PTPRG: variants seen among roughly 807,000 people sequenced by gnomAD.
The protein encoded by PTPRG is receptor-type tyrosine-protein phosphatase gamma.
In PTPRG, 102 loss-of-function variants were observed where a neutral mutation model predicts 165.3. The ratio of observed to expected loss-of-function variants is 0.62; its 90% CI spans 0.53 to 0.73. PTPRG has a LOEUF of 0.73. PTPRG is among the 30% of genes least tolerant of loss of function. The pLI, the probability that PTPRG is intolerant of heterozygous loss-of-function variation, is 0.00. For synonymous variants in PTPRG, 675 were observed against 669.5 expected, an observed-to-expected ratio of 1.01 and a Z score of -0.13; for missense variants, 1,866 against 1,861.4, an observed-to-expected ratio of 1.00 and a Z score of -0.05.
chr3:61,760,472 T>TATC (rs2033798764), intron 2 of PTPRG, among the ~76,000 whole-genome samples: 1 of 152,228 alleles, frequency 6.6e-6, no homozygotes, highest in South Asian at 2.1e-4. Context: ...GACTGATTAT[T>TATC]ATCTCTGATT....
At chr3:61,591,927 G>T (rs953088504) in intron 1 of PTPRG, among the ~76,000 whole-genome samples, 10 of 151,980 alleles carry the variant, frequency 6.6e-5, no homozygotes, top group African/African-American at 2.4e-4. Context: ...AGAAGGGGAT[G>T]TTCCAGAAGA....
At chr3:62,061,707 C>T (rs1307912601) in intron 4 of PTPRG, among the ~76,000 whole-genome samples, 2 of 151,294 alleles carry the variant, frequency 1.3e-5, no homozygotes, top group African/African-American at 4.9e-5. Context: ...CAGCTCACTG[C>T]AATCTCTGCC....
At chr3:61,788,434 A>G (rs1235392443) in intron 2 of PTPRG, among the ~76,000 whole-genome samples, 1 of 152,258 alleles carries the variant, frequency 6.6e-6, no homozygotes, top group Non-Finnish European at 1.5e-5. Context: ...TAAAGTTGTC[A>G]TGAATGCCTG....
At chr3:61,707,050 G>C (rs2031301291) in intron 1 of PTPRG, among the ~76,000 whole-genome samples, 1 of 151,992 alleles carries the variant, frequency 6.6e-6, no homozygotes, top group Non-Finnish European at 1.5e-5. Context: ...AGTCTATACA[G>C]GTCATTCCAT....
In PTPRG at chr3:62,110,089, CTTTT is replaced by C. The variant is rs371457716; in HGVS notation, c.616-22493_616-22490del. ...TCTCTCTCTATTCTAGAAATAATGG[CTTTT>C]TTTTTTTTTTTTTTTTTTTGCAGTA... On this transcript the variant is annotated intron_variant, in intron 5 of 29. Coordinates refer to ENST00000474889, the MANE Select transcript of PTPRG (RefSeq NM_002841.4). 4.1e-3 allele frequency among the ~76,000 whole-genome samples: 329 copies of C among 79,974 alleles called. 3 individuals are homozygous for C. The highest frequency in any genetic ancestry group is 0.015 in the African/African-American group (312 of 20,298). 52.5% of individuals were successfully genotyped at this position (79,974 alleles called of 152,430 possible).
At chr3:62,133,661 C>G (rs1189148736) in intron 6 of PTPRG, among the ~76,000 whole-genome samples, 1 of 152,156 alleles carries the variant, frequency 6.6e-6, no homozygotes, top group Non-Finnish European at 1.5e-5. Context: ...AATAGGGTTA[C>G]TGAAAACACC....
At chr3:61,694,981 G>A (rs942237748) in intron 1 of PTPRG, among the ~76,000 whole-genome samples, 2 of 151,708 alleles carry the variant, frequency 1.3e-5, no homozygotes, top group African/African-American at 2.4e-5. Flanking sequence ...TTTTCACTGC[G>A]TACTCTTTTG....
intron 4 of PTPRG, among the ~76,000 whole-genome samples, chr3:62,045,176 G>A (rs997315887): frequency 6.6e-6 from 1 of 152,146 alleles, no homozygotes; most frequent in Admixed American, 6.6e-5. Context: ...GATGCAAACC[G>A]TCTTAGGTTG....
At chr3:62,096,546 T>A (rs1439264458) in intron 5 of PTPRG, among the ~76,000 whole-genome samples, 1 of 152,212 alleles carries the variant, frequency 6.6e-6, no homozygotes, top group Non-Finnish European at 1.5e-5. Context: ...GATCAGCTCA[T>A]GTGTATGTTT....
chr3:61,622,788 A>G (rs1226821601), intron 1 of PTPRG, among the ~76,000 whole-genome samples: 1 of 152,204 alleles, frequency 6.6e-6, no homozygotes, highest in East Asian at 1.9e-4. Context: ...GTGAAGGGAA[A>G]TATATTTTGG....
chr3:61,857,181 C>G (rs2037132060), intron 2 of PTPRG, among the ~76,000 whole-genome samples: 1 of 151,998 alleles, frequency 6.6e-6, no homozygotes, highest in Non-Finnish European at 1.5e-5. Flanking sequence ...CTCCAGAAAT[C>G]TCATATTGTA....
intron 1 of PTPRG, among the ~76,000 whole-genome samples, chr3:61,672,316 G>T (rs1398261871): frequency 1.2e-4 from 17 of 144,602 alleles, no homozygotes; most frequent in African/African-American, 4.4e-4. Flanking sequence ...CCCAGACGGG[G>T]TGGCGGCCGG....
chr3:62,270,938 T>C (rs1253093188), intron 20 of PTPRG, among the ~76,000 whole-genome samples: 4 of 152,130 alleles, frequency 2.6e-5, no homozygotes, highest in African/African-American at 4.8e-5. Context: ...ACTTCCTGGA[T>C]AGTTTACAGC....
intron 4 of PTPRG, among the ~76,000 whole-genome samples, chr3:62,053,569 C>T (rs1700535926): frequency 6.6e-6 from 1 of 151,958 alleles, no homozygotes; most frequent in Non-Finnish European, 1.5e-5. Flanking sequence ...GCCTGGCCTT[C>T]CTTTTAATAA....
rs149041037 is a variant in PTPRG at position 61,840,782 on chromosome 3, G to GTTTTT, written c.190+91815_190+91819dup. On this transcript the variant is annotated intron_variant, in intron 2 of 29. Coordinates refer to ENST00000474889, the MANE Select transcript of PTPRG (RefSeq NM_002841.4). ...CAGATGGAGTTTTTTTTGTTTGTTT[G>GTTTTT]TTTTTTTTTTTTTTTTTTTGAGATG... Among the ~76,000 whole-genome samples, 61 of 120,104 alleles carry GTTTTT rather than the reference G, an allele frequency of 5.1e-4. 1 individual carries two copies. Among genetic ancestry groups the GTTTTT allele is most frequent in the East Asian group, 1.1e-3 (4 of 3,642 alleles). The allele number at this position is 120,104 out of a possible 152,430, so 78.8% of individuals were successfully genotyped here.
chr3:61,603,682 A>G (rs1296279823), intron 1 of PTPRG, among the ~76,000 whole-genome samples: 1 of 152,164 alleles, frequency 6.6e-6, no homozygotes, highest in Non-Finnish European at 1.5e-5. Flanking sequence ...GGTTGCTTTC[A>G]TTTTGGAGGC....
intron 7 of PTPRG, among the ~76,000 whole-genome samples, chr3:62,159,759 G>T (rs749772623): frequency 2.8e-4 from 42 of 152,080 alleles, no homozygotes; most frequent in Non-Finnish European, 5.6e-4. Context: ...GCTACAAACC[G>T]TCTTAAGATA....
At position 62,229,176 on chromosome 3, in the gene PTPRG, G is replaced by A. The variant is rs1046474334; in HGVS notation, c.2289-2049G>A. On this transcript the variant is annotated intron_variant, in intron 13 of 29. Coordinates refer to ENST00000474889, the MANE Select transcript of PTPRG (RefSeq NM_002841.4). This position sits in a 1 kb window ranked among gnomAD's most constrained non-coding sequence, Gnocchi z 4.6. ...GTGTTAAACTATCTTGCTCTGAGAT[G>A]CTAAAAGAGATGGGGGTAGGGAGTC... Among the ~76,000 whole-genome samples the A allele has an allele frequency of 1.3e-5, 2 of 152,148 alleles. No individual in the cohort carries two copies. The highest frequency in any genetic ancestry group is 2.9e-5 in the Non-Finnish European group (2 of 68,024).
intron 3 of PTPRG, among the ~76,000 whole-genome samples, chr3:61,992,190 G>A (rs1231036077): frequency 6.6e-6 from 1 of 151,750 alleles, no homozygotes; most frequent in South Asian, 2.1e-4. Context: ...TGTAGGAAGG[G>A]TTTTTAAAAA....
Sources: gnomAD v4.1 joint callset for allele counts (sites outside exome capture counted in the v4.1 genomes callset) on GRCh38, gnomAD v4.1.1 for gene constraint, Gnocchi (gnomAD v3.1) non-coding constraint, MANE v1.5 for transcripts, NCBI Gene and HGNC (gene_info 2026-07-23, HGNC 2026-07-21) for gene names.